SMARCC1: variants seen among roughly 807,000 people sequenced by gnomAD.
SMARCC1 encodes the protein SWI/SNF related BAF chromatin remodeling complex subunit C1.
SMARCC1 carries 43 observed loss-of-function variants against 147.4 expected under a neutral mutation model. The ratio of observed to expected loss-of-function variants is 0.29; its 90% CI spans 0.23 to 0.38. The LOEUF (loss-of-function observed/expected upper bound fraction) is 0.38. Among genes scored for constraint, SMARCC1 ranks in the 10% least tolerant of loss-of-function variants. The probability of loss-of-function intolerance (pLI) is 1.00; values close to 1 mark genes in which losing one functional copy is unlikely to be tolerated. For missense variants in SMARCC1, 1,119 were observed against 1,381.1 expected (o/e 0.81, Z 3.01); for synonymous variants, 495 against 484.4 (o/e 1.02, Z -0.29).
intron 26 of SMARCC1, among the ~76,000 whole-genome samples, chr3:47,603,000 T>C (rs886268162): frequency 1.3e-5 from 2 of 152,018 alleles, no homozygotes; most frequent in Non-Finnish European, 2.9e-5. Flanking sequence ...AATACATCCA[T>C]GCCTATGGAG....
chr3:47,643,129 G>A (rs2033071009), intron 21 of SMARCC1, among the ~76,000 whole-genome samples: 1 of 152,200 alleles, frequency 6.6e-6, no homozygotes, highest in African/African-American at 2.4e-5. Flanking sequence ...AAGGAGTTGA[G>A]CAAGAAGTGT....
intron 3 of SMARCC1, among the ~76,000 whole-genome samples, chr3:47,739,672 G>A (rs2034485816): frequency 6.6e-6 from 1 of 152,054 alleles, no homozygotes; most frequent in South Asian, 2.1e-4. Context: ...GTACTACCTA[G>A]CATTAGGCAG....
intron 2 of SMARCC1, among the ~76,000 whole-genome samples, chr3:47,748,316 G>T (rs1057433897): frequency 2.6e-5 from 4 of 152,014 alleles, no homozygotes; most frequent in Non-Finnish European, 4.4e-5. Flanking sequence ...TGGGTTCAAG[G>T]AATTCTCGTA....
intron 2 of SMARCC1, among the ~76,000 whole-genome samples, chr3:47,750,386 G>A (rs561128456): frequency 3.9e-5 from 6 of 152,206 alleles, no homozygotes; most frequent in South Asian, 4.2e-4. Flanking sequence ...AGTGAGCCGG[G>A]ATCGCGCCAG....
intron 3 of SMARCC1, among the ~76,000 whole-genome samples, chr3:47,740,117 C>T (rs1236819726): frequency 2.7e-5 from 4 of 149,988 alleles, no homozygotes; most frequent in African/African-American, 2.4e-5. Flanking sequence ...TGATCGCACA[C>T]CTCAGTCTCT....
chr3:47,762,373 C>A (rs2034783009), intron 2 of SMARCC1, among the ~76,000 whole-genome samples: 1 of 152,168 alleles, frequency 6.6e-6, no homozygotes, highest in Admixed American at 6.6e-5. Context: ...CAACTCCCAC[C>A]CTTTCCATTA....
intron 15 of SMARCC1, among the ~76,000 whole-genome samples, chr3:47,679,879 AG>A (rs1205160907): frequency 4.0e-5 from 6 of 150,594 alleles, no homozygotes; most frequent in Non-Finnish European, 5.9e-5. Flanking sequence ...AAAAAAAAAA[AG>A]GAAGAAAGAA....
rs535034414 is a variant in SMARCC1, at chr3:47,736,453, A to G, written c.484-327T>C. ...CACTTTGGGAGGCCGAGATGGGCGGATCATGAGGTCAGGAGATCAAGACCA... is the reference window on the plus strand; with the variant it reads ...CACTTTGGGAGGCCGAGATGGGCGGGTCATGAGGTCAGGAGATCAAGACCA... On this transcript the variant is annotated intron_variant, in intron 4 of 27. Transcript: ENST00000254480. 7.2e-3 allele frequency among the ~76,000 whole-genome samples: 1,089 copies of G among 152,188 alleles called. 6 individuals carry two copies. Among genetic ancestry groups the G allele is most frequent in the Non-Finnish European group, 0.012 (819 of 68,008 alleles).
Position 47,710,820 on chromosome 3 carries a change from T to C in SMARCC1, c.793-12A>G. ...CATTTCACATGAACCTAAAACCATA[T>C]CAAAGCATCAATATCTACATAAATA... is the stretch of plus-strand genomic sequence containing the variant. On this transcript the variant is annotated splice_polypyrimidine_tract_variant and intron_variant, in intron 8 of 27. Transcript: ENST00000254480. 6.3e-7 allele frequency: 1 copy of C among 1,595,536 alleles called. No homozygotes were observed. The highest frequency in any genetic ancestry group is 2.3e-5 in the East Asian group (1 of 44,396).
At position 47,615,744 on chromosome 3, in the gene SMARCC1, C is replaced by T. The variant is rs146724043; in HGVS notation, c.2782-5417G>A. Among the ~76,000 whole-genome samples the T allele has an allele frequency of 4.0e-3, 607 of 152,218 alleles. 5 individuals carry two copies. Among genetic ancestry groups the T allele is most frequent in the African/African-American group, 0.013 (547 of 41,538 alleles). ...TATTGCCCAGCCTAGAGTGCAATGGCGCCATCACGGCTCACTGCAACCTCT... is the reference window on the plus strand; with the variant it reads ...TATTGCCCAGCCTAGAGTGCAATGGTGCCATCACGGCTCACTGCAACCTCT... On this transcript the variant is annotated intron_variant, in intron 25 of 27. Transcript: ENST00000254480.
chr3:47,733,577 C>A (rs2034402509), intron 5 of SMARCC1, among the ~76,000 whole-genome samples: 1 of 151,022 alleles, frequency 6.6e-6, no homozygotes, highest in African/African-American at 2.4e-5. Context: ...CCCGTCTCTA[C>A]TAAAAAATAA....
At chr3:47,707,640 G>A (rs913324708) in intron 9 of SMARCC1, among the ~76,000 whole-genome samples, 1 of 152,078 alleles carries the variant, frequency 6.6e-6, no homozygotes, top group Admixed American at 6.6e-5. Flanking sequence ...TTGGGAGGCC[G>A]AGGCGGGGGG....
At chr3:47,592,341 G>GC in intron 26 of SMARCC1, among the ~76,000 whole-genome samples, 1 of 152,330 alleles carries the variant, frequency 6.6e-6, no homozygotes, top group African/African-American at 2.4e-5. Context: ...AATGGACGTG[G>GC]CTGTGTTCTA....
chr3:47,662,315 G>A lies in SMARCC1; in HGVS notation c.2158+19C>T, dbSNP rs1428046901. ...AACTGAGTTTTTCTGTTGAGGAGAT[G>A]GTTTAGGGAAGTCCATACCCAAAGC... is the stretch of plus-strand genomic sequence containing the variant. On this transcript the variant is annotated intron_variant, in intron 20 of 27. Transcript: ENST00000254480. 6.2e-7 allele frequency: 1 copy of A among 1,604,308 alleles called. No individual in the cohort carries two copies. The highest frequency in any genetic ancestry group is 1.7e-5 in the Admixed American group (1 of 58,390).
At chr3:47,719,008 G>A (rs1307216767) in intron 7 of SMARCC1, among the ~76,000 whole-genome samples, 1 of 152,154 alleles carries the variant, frequency 6.6e-6, no homozygotes, top group Non-Finnish European at 1.5e-5. Context: ...CGCCCCCGGG[G>A]TTCATGCCAT....
rs527963499 is a variant in SMARCC1, at chr3:47,752,771, A to AAC, written c.316-6779_316-6778insGT. Among the ~76,000 whole-genome samples the AAC allele has an allele frequency of 1.1e-4, 16 of 152,180 alleles. No homozygotes were observed. In the South Asian group the frequency reaches 3.1e-3, roughly 30 times the overall value. On this transcript the variant is annotated intron_variant, in intron 2 of 27. Coordinates refer to ENST00000254480, the MANE Select transcript of SMARCC1 (RefSeq NM_003074.4). ...CAGTCCTGTCTGAAAAAAACAAACA[A>AAC]AAAAAAGTAGCAAAAACTGAAATTT...
chr3:47,714,650 C>T (rs994307818), intron 7 of SMARCC1, among the ~76,000 whole-genome samples, 160 bp from the exon 8 acceptor site: 4 of 151,872 alleles, frequency 2.6e-5, no homozygotes, highest in East Asian at 1.9e-4. Flanking sequence ...AAAAATTAGC[C>T]GGGCATGGTG....
At chr3:47,601,129 T>C (rs1220979492) in intron 26 of SMARCC1, among the ~76,000 whole-genome samples, 1 of 150,776 alleles carries the variant, frequency 6.6e-6, no homozygotes, top group Non-Finnish European at 1.5e-5. Context: ...TTTTCTTTTT[T>C]CTTTTTTTTT....
At chr3:47,647,683 A>G (rs2033136305) in intron 21 of SMARCC1, among the ~76,000 whole-genome samples, 1 of 152,216 alleles carries the variant, frequency 6.6e-6, no homozygotes, top group African/African-American at 2.4e-5. Flanking sequence ...AACAGAATGA[A>G]GCACATGGCA....
Sources: allele counts gnomAD v4.1 joint callset (sites outside exome capture counted in the v4.1 genomes callset), GRCh38; gene constraint gnomAD v4.1.1; transcripts MANE v1.5; gene names NCBI Gene and HGNC (gene_info 2026-07-23, HGNC 2026-07-21).